HIVEP3: variants seen among roughly 807,000 people sequenced by gnomAD.
The protein encoded by HIVEP3 is transcription factor HIVEP3.
A neutral mutation model predicts 152.8 loss-of-function variants in HIVEP3; 49 were observed. The observed-to-expected ratio is 0.32, with a 90% confidence interval of 0.26 to 0.41. HIVEP3 has a LOEUF of 0.41. Ranked by LOEUF, HIVEP3 falls within the 10% of genes least tolerant of loss-of-function variation. The pLI is 1.00. For synonymous variants in HIVEP3, 1,269 were observed against 1,289.0 expected (o/e 0.98, Z 0.33); for missense variants, 2,790 against 3,103.3 (o/e 0.90, Z 2.40).
intron 1 of HIVEP3, among the ~76,000 whole-genome samples, chr1:41,972,083 T>C (rs935610463): frequency 2.6e-5 from 4 of 152,218 alleles, no homozygotes; most frequent in African/African-American, 7.2e-5. Context: ...TCTCTAGTAT[T>C]TTATTATAGC....
At chr1:41,674,689 G>C (rs1445140315) in intron 2 of HIVEP3, among the ~76,000 whole-genome samples, 1 of 152,186 alleles carries the variant, frequency 6.6e-6, no homozygotes, top group Non-Finnish European at 1.5e-5. Context: ...CGGCCACCAG[G>C]ATGGAATCCT....
At chr1:41,997,571 G>A (rs536553164) in intron 1 of HIVEP3, among the ~76,000 whole-genome samples, 8 of 152,120 alleles carry the variant, frequency 5.3e-5, no homozygotes, top group Admixed American at 2.0e-4. Context: ...AACTAGACTC[G>A]AATTGTGCAA....
At chr1:41,565,555 C>G (rs1570358) in intron 5 of HIVEP3, among the ~76,000 whole-genome samples, 41,702 of 148,656 alleles carry the variant, frequency 0.28, 6,902 homozygotes, top group Non-Finnish European at 0.39. Flanking sequence ...CACACACACA[C>G]AGAGAGAGAG....
intron 1 of HIVEP3, among the ~76,000 whole-genome samples, chr1:41,822,899 T>G (rs1161320396): frequency 6.6e-6 from 1 of 152,212 alleles, no homozygotes; most frequent in African/African-American, 2.4e-5. Flanking sequence ...TTTTACTACC[T>G]TTTGATTATA....
intron 2 of HIVEP3, among the ~76,000 whole-genome samples, chr1:41,686,381 G>A (rs370485105): frequency 6.6e-6 from 1 of 152,172 alleles, no homozygotes; most frequent in Non-Finnish European, 1.5e-5. Context: ...GCCATAGACT[G>A]TATTTTCAAA....
chr1:41,586,948 C>T (rs1340205972), intron 3 of HIVEP3, among the ~76,000 whole-genome samples: 2 of 151,904 alleles, frequency 1.3e-5, no homozygotes, highest in Admixed American at 1.3e-4. Context: ...GGCAAAAAGT[C>T]AGGATTGGTG....
rs1645722627 is a variant in HIVEP3 at position 41,662,116 on chromosome 1, G to T, written c.-720-33169C>A. ...AGGCCGCGGCGGGGGCGCGGCGCGC[G>T]GGGCGCTCGTTGCTTACCTGCGGGC... On this transcript the variant is annotated intron_variant, in intron 2 of 8. Transcript: ENST00000372583. This position sits in a 1 kb window ranked among gnomAD's most constrained non-coding sequence, Gnocchi z 7.2. The T allele has an allele frequency of 6.6e-6, 1 of 151,176 alleles. No individual in the cohort carries two copies. Among genetic ancestry groups the T allele is most frequent in the Admixed American group, 6.6e-5 (1 of 15,122 alleles). 9.4% of individuals were successfully genotyped at this position (151,176 alleles called of 1,614,324 possible).
At chr1:41,936,713 A>G (rs1368343997) in intron 1 of HIVEP3, among the ~76,000 whole-genome samples, 1 of 152,204 alleles carries the variant, frequency 6.6e-6, no homozygotes, top group Admixed American at 6.5e-5. Context: ...AGGTATATCT[A>G]TCAAATCATT....
intron 1 of HIVEP3, among the ~76,000 whole-genome samples, chr1:41,797,841 G>C (rs769661175): frequency 5.9e-5 from 9 of 151,992 alleles, no homozygotes; most frequent in Non-Finnish European, 1.2e-4. Flanking sequence ...TAAAAAATTA[G>C]CCAGGCATGG....
chr1:41,723,038 C>T (rs1480754234), intron 1 of HIVEP3, among the ~76,000 whole-genome samples: 1 of 152,120 alleles, frequency 6.6e-6, no homozygotes, highest in Non-Finnish European at 1.5e-5. Context: ...CATTTAACCC[C>T]AGAGGCCATG....
intron 5 of HIVEP3, among the ~76,000 whole-genome samples, chr1:41,531,961 A>G (rs1249778368): frequency 3.0e-5 from 3 of 101,204 alleles, no homozygotes; most frequent in South Asian, 3.9e-4. Flanking sequence ...GAGAAATGGA[A>G]GACAGGGGCG....
At chr1:41,790,880 C>A (rs1351366340) in intron 1 of HIVEP3, among the ~76,000 whole-genome samples, 1 of 152,146 alleles carries the variant, frequency 6.6e-6, no homozygotes, top group Non-Finnish European at 1.5e-5. Context: ...TGCATCCATA[C>A]TGACTCCCAA....
rs771007705 is a variant in HIVEP3 at position 41,513,349 on chromosome 1, A to G, written c.5872T>C (p.Leu1958=). ...CTTGGGGACACAGGCTTGTAGCTCA[A>G]GGCTGAGCCTGTGTCTTTCTCCACA... ...GSVEKDTGSA[L]SYKPVSPRRP... Residue 1958 remains leucine (L), a synonymous_variant, in exon 8 of 9, where the codon TTG becomes CTG. Coordinates refer to ENST00000372583, the MANE Select transcript of HIVEP3 (RefSeq NM_024503.5). 3.1e-6 allele frequency: 5 copies of G among 1,612,768 alleles called. No homozygotes were observed. In the Middle Eastern group the frequency reaches 8.2e-4, roughly 266 times the overall value.
chr1:41,690,255 T>C (rs1377549404), intron 2 of HIVEP3, among the ~76,000 whole-genome samples: 1 of 152,198 alleles, frequency 6.6e-6, no homozygotes, highest in Non-Finnish European at 1.5e-5. Context: ...TTCTTCCTGA[T>C]GGCTGGAGAA....
In HIVEP3 at chr1:41,581,520, G is replaced by A. The variant is rs750796768; in HGVS notation, c.3278C>T (p.Thr1093Ile). The stretch of plus-strand genomic sequence containing the variant: ...GCCTCCCGGGGGTCCACCATGTGAG[G>A]TGGCCGCAGAGGAAATCTGGGACAA... ...SSLSQISSAA[T>I]SHGGPPGGKG... The change falls in exon 4 of 9, where the codon ACC (threonine) becomes ATC (isoleucine). Residue 1093 changes from threonine (T) to isoleucine (I), a missense_variant. This residue lies in a region of HIVEP3 where 1,078 missense variants were observed against 1,165.3 expected (regional missense o/e 0.93). Coordinates refer to ENST00000372583, the MANE Select transcript of HIVEP3 (RefSeq NM_024503.5). This position sits in a 1 kb window ranked among gnomAD's most constrained non-coding sequence, Gnocchi z 4.5. 1 of 1,587,860 alleles carries A rather than the reference G, an allele frequency of 6.3e-7. No individual in the cohort carries two copies. Among genetic ancestry groups the A allele is most frequent in the East Asian group, 2.2e-5 (1 of 44,682 alleles).
rs1570714236 is a variant in HIVEP3 at position 41,873,821 on chromosome 1, G to C, written c.-801+44592C>G. Among the ~76,000 whole-genome samples, 1 of 152,228 alleles carries C rather than the reference G, an allele frequency of 6.6e-6. No homozygotes were observed. Among genetic ancestry groups the C allele is most frequent in the Non-Finnish European group, 1.5e-5 (1 of 68,044 alleles). On this transcript the variant is annotated intron_variant, in intron 1 of 8. Transcript: ENST00000372583. The surrounding 1 kb of genome is among the most constrained non-coding windows in gnomAD (Gnocchi z 4.2). ...AAGTGAATTCAAGAGTGGGATTCAA[G>C]AGACCAAACCATGGGGTCTAGGGGA...
At chr1:41,638,919 C>G (rs1361431809) in intron 2 of HIVEP3, among the ~76,000 whole-genome samples, 5 of 152,218 alleles carry the variant, frequency 3.3e-5, no homozygotes, top group Admixed American at 3.3e-4. Flanking sequence ...CAAGGGCTGG[C>G]AGGGAGGCAG....
intron 1 of HIVEP3, among the ~76,000 whole-genome samples, chr1:41,705,970 T>C (rs1316810503): frequency 6.6e-6 from 1 of 152,182 alleles, no homozygotes; most frequent in African/African-American, 2.4e-5. Flanking sequence ...TGGTAGCCTG[T>C]TTTTGTAAAT....
At chr1:41,561,107 T>A (rs1292574385) in intron 5 of HIVEP3, among the ~76,000 whole-genome samples, 2 of 152,176 alleles carry the variant, frequency 1.3e-5, no homozygotes, top group Non-Finnish European at 2.9e-5. Flanking sequence ...CTCTGCTGTT[T>A]CCAGAGCTGG....
Sources: gnomAD v4.1 joint callset for allele counts (sites outside exome capture counted in the v4.1 genomes callset) on GRCh38, gnomAD v4.1.1 for gene constraint, gnomAD v4.1.1 regional missense constraint, Gnocchi (gnomAD v3.1) non-coding constraint, MANE v1.5 for transcripts, NCBI Gene and HGNC (gene_info 2026-07-23, HGNC 2026-07-21) for gene names.